Variants in SNTG1 observed in about 807,000 individuals in gnomAD.
The protein encoded by SNTG1 is syntrophin gamma 1.
SNTG1 carries 39 observed loss-of-function variants against 74.7 expected under a neutral mutation model. That is an observed-to-expected ratio of 0.52 (90% confidence interval 0.40 to 0.68). SNTG1 has a LOEUF of 0.68. Ranked by LOEUF, SNTG1 falls within the 30% of genes least tolerant of loss-of-function variation. The pLI, the probability that SNTG1 is intolerant of heterozygous loss-of-function variation, is 0.00. For missense variants in SNTG1, 685 were observed against 609.5 expected, an observed-to-expected ratio of 1.12 and a Z score of -1.30; for synonymous variants, 254 against 217.1, an observed-to-expected ratio of 1.17 and a Z score of -1.49.
intron 12 of SNTG1, among the ~76,000 whole-genome samples, chr8:50,579,957 A>G (rs553117992): frequency 6.6e-6 from 1 of 152,330 alleles, no homozygotes; most frequent in African/African-American, 2.4e-5. Flanking sequence ...CCATAATGGT[A>G]GAACTACTGA....
At chr8:50,745,620 G>T (rs1158127734) in intron 17 of SNTG1, among the ~76,000 whole-genome samples, 1 of 152,014 alleles carries the variant, frequency 6.6e-6, no homozygotes, top group Non-Finnish European at 1.5e-5. Flanking sequence ...GTTCATAGAA[G>T]TATGACTCAC....
At chr8:50,778,027 T>C (rs1030783184) in intron 18 of SNTG1, among the ~76,000 whole-genome samples, 1 of 152,176 alleles carries the variant, frequency 6.6e-6, no homozygotes, top group Non-Finnish European at 1.5e-5. Context: ...ACAAAGGACA[T>C]GAACTCATCA....
chr8:50,159,120 C>T (rs1043229781), intron 1 of SNTG1, among the ~76,000 whole-genome samples: 1 of 150,814 alleles, frequency 6.6e-6, no homozygotes, highest in Non-Finnish European at 1.5e-5. Flanking sequence ...AATGCTTGTT[C>T]CTGTCTTGGC....
intron 8 of SNTG1, among the ~76,000 whole-genome samples, chr8:50,490,428 C>T (rs1424232816): frequency 6.6e-6 from 1 of 152,164 alleles, no homozygotes; most frequent in East Asian, 1.9e-4. Flanking sequence ...CCATTTGTGT[C>T]CTCTCTTATT....
intron 2 of SNTG1, among the ~76,000 whole-genome samples, chr8:50,347,810 A>C (rs2091525909): frequency 6.6e-6 from 1 of 152,220 alleles, no homozygotes. Flanking sequence ...CTTTCAATTC[A>C]ATTGCATGGG....
At chr8:50,535,968 A>C (rs1002060259) in intron 10 of SNTG1, among the ~76,000 whole-genome samples, 1 of 152,154 alleles carries the variant, frequency 6.6e-6, no homozygotes, top group Non-Finnish European at 1.5e-5. Flanking sequence ...TGAAATAATG[A>C]AGGAAACATG....
intron 15 of SNTG1, among the ~76,000 whole-genome samples, chr8:50,690,992 C>A (rs1227091935): frequency 1.3e-5 from 2 of 152,158 alleles, no homozygotes; most frequent in African/African-American, 4.8e-5. Context: ...GAACCTTTTA[C>A]CATTATGTAA....
intron 4 of SNTG1, among the ~76,000 whole-genome samples, chr8:50,407,517 A>G (rs1049422369): frequency 6.6e-6 from 1 of 152,188 alleles, no homozygotes; most frequent in Non-Finnish European, 1.5e-5. Flanking sequence ...CTCCAACCCC[A>G]CAATAGGGAG....
chr8:50,381,840 A>T (rs1439612543), intron 2 of SNTG1: 4 of 139,718 alleles, frequency 2.9e-5, no homozygotes, highest in Non-Finnish European at 6.1e-5. Flanking sequence ...TATATATTAT[A>T]TATATATATA....
chr8:50,419,696 A>G (rs1428588965), intron 4 of SNTG1, among the ~76,000 whole-genome samples: 1 of 152,196 alleles, frequency 6.6e-6, no homozygotes, highest in Non-Finnish European at 1.5e-5. Flanking sequence ...TTGAATGAGA[A>G]GCAATAATTA....
intron 1 of SNTG1, among the ~76,000 whole-genome samples, chr8:49,927,642 T>C (rs1008272952): frequency 2.9e-4 from 44 of 152,168 alleles, no homozygotes; most frequent in Non-Finnish European, 1.6e-4. Flanking sequence ...GTAAAAAATA[T>C]AAAAATCATA....
intron 4 of SNTG1, among the ~76,000 whole-genome samples, chr8:50,432,946 T>C (rs2093255852): frequency 6.6e-6 from 1 of 151,766 alleles, no homozygotes; most frequent in Admixed American, 6.6e-5. Flanking sequence ...CACATCTCCA[T>C]GCTCGGCTAA....
intron 1 of SNTG1, among the ~76,000 whole-genome samples, chr8:49,960,742 C>T (rs1247177702): frequency 6.6e-6 from 1 of 152,026 alleles, no homozygotes; most frequent in African/African-American, 2.4e-5. Context: ...GGGTCTTGTT[C>T]CAACTCTGTG....
chr8:50,358,736 T>C (rs2091884191), intron 2 of SNTG1, among the ~76,000 whole-genome samples: 1 of 152,212 alleles, frequency 6.6e-6, no homozygotes, highest in African/African-American at 2.4e-5. Flanking sequence ...TTTTTACAGA[T>C]TTCAAATGTA....
chr8:50,715,276 T>C (rs371103816), intron 17 of SNTG1, among the ~76,000 whole-genome samples: 1 of 152,200 alleles, frequency 6.6e-6, no homozygotes, highest in East Asian at 1.9e-4. Flanking sequence ...AATTTGACTC[T>C]TAAACATGGG....
At chr8:50,340,861 C>A (rs867267183) in intron 2 of SNTG1, among the ~76,000 whole-genome samples, 1 of 151,990 alleles carries the variant, frequency 6.6e-6, no homozygotes, top group African/African-American at 2.4e-5. Flanking sequence ...GTAAAAAATA[C>A]TTCTTGGTGC....
At chr8:50,524,113 T>C (rs2094201581) in intron 9 of SNTG1, among the ~76,000 whole-genome samples, 1 of 152,142 alleles carries the variant, frequency 6.6e-6, no homozygotes, top group Admixed American at 6.6e-5. Context: ...GATCCTTTTA[T>C]CAATTTCTTT....
chr8:49,988,024 C>CTAT (rs1415989750), intron 1 of SNTG1, among the ~76,000 whole-genome samples: 1 of 152,034 alleles, frequency 6.6e-6, no homozygotes, highest in Non-Finnish European at 1.5e-5. Flanking sequence ...CAAAAGAGTT[C>CTAT]TATTAAAACC....
chr8:50,400,185 T>C (rs537125931), intron 3 of SNTG1, among the ~76,000 whole-genome samples: 18 of 152,226 alleles, frequency 1.2e-4, no homozygotes, highest in Admixed American at 1.1e-3. Flanking sequence ...CAAGAGAAAG[T>C]CTGGTATTAT....
Sources: allele counts gnomAD v4.1 joint callset (sites outside exome capture counted in the v4.1 genomes callset), GRCh38; gene constraint gnomAD v4.1.1; transcripts MANE v1.5; gene names NCBI Gene and HGNC (gene_info 2026-07-23, HGNC 2026-07-21).